ZNF837: variants seen among roughly 807,000 people sequenced by gnomAD.
ZNF837 encodes zinc finger protein 837.
For synonymous variants in ZNF837, 475 were observed against 365.2 expected (o/e 1.30, Z -3.43); for missense variants, 955 against 801.7 (o/e 1.19, Z -2.31).
intron 1 of ZNF837, among the ~76,000 whole-genome samples, chr19:58,376,554 C>CAAAAAAAAAAAAAAAAAAAAAAAAAA (rs59075587): frequency 1.5e-5 from 1 of 67,766 alleles, no homozygotes; most frequent in African/African-American, 6.4e-5. Flanking sequence ...GACTCTGTCT[C>CAAAAAAAAAAAAAAAAAAAAAAAAAA]AAAAAAAAAA....
chr19:58,368,687 C>G lies in ZNF837; in HGVS notation c.646G>C (p.Glu216Gln). The G allele has an allele frequency of 6.5e-7, 1 of 1,533,136 alleles. No homozygotes were observed. The highest frequency in any genetic ancestry group is 8.7e-7 in the Non-Finnish European group (1 of 1,144,734). 95.0% of individuals were successfully genotyped at this position (1,533,136 alleles called of 1,614,324 possible). A position where few individuals can be genotyped will look rare whatever the true frequency, so the allele number is the denominator to read the frequency against. The change falls in exon 3 of 3, where the codon GAG becomes CAG. Residue 216 changes from glutamate (E) to glutamine (Q), a missense_variant. By Grantham distance (29) the Glu-to-Gln change is conservative (BLOSUM62 2). Transcript: ENST00000597582. ...GGCTCCTCCGTCGCCTGCAGCCTCT[C>G]CTGGGGGATCCGCAGGGCCCTCCAC... is the stretch of plus-strand genomic sequence containing the variant. ...FAWRALRIPQERLQATEEPRP... is the reference protein window; with the variant it reads ...FAWRALRIPQQRLQATEEPRP...
chr19:58,368,392 A>G lies in ZNF837; in HGVS notation c.941T>C (p.Leu314Pro), dbSNP rs2052161782. 5.8e-6 allele frequency: 9 copies of G among 1,538,712 alleles called. No individual in the cohort carries two copies. The highest frequency in any genetic ancestry group is 7.9e-6 in the Non-Finnish European group (9 of 1,145,202). Residue 314 changes from leucine to proline, a missense_variant, in exon 3 of 3, where the codon CTG becomes CCG. Leu to Pro is a moderately conservative substitution (Grantham distance 98). Transcript: ENST00000597582. ...CGKAFVRCSG[L>P]YRHQKTHSAE... is the part of the protein sequence containing the mutation. ...CGAGTGCGTCTTCTGGTGGCGGTAC[A>G]GGCCGGAGCAGCGCACGAAGGCCTT... is the stretch of plus-strand genomic sequence containing the variant.
At chr19:58,376,986 G>A (rs2052253615) in intron 1 of ZNF837, among the ~76,000 whole-genome samples, 1 of 152,026 alleles carries the variant, frequency 6.6e-6, no homozygotes, top group Admixed American at 6.6e-5. Context: ...GGGAGGCCAA[G>A]GTGGGTGGAT....
chr19:58,380,901 C>A (rs1568570230), intron 1 of ZNF837, 40 bp downstream of exon 1: 1 of 152,318 alleles, frequency 6.6e-6, no homozygotes, highest in Non-Finnish European at 1.5e-5. Context: ...GTCCCCGCCT[C>A]GCAGGCCGAG....
Position 58,367,711 on chromosome 19 carries a change from A to G in ZNF837, c.*26T>C. 2.0e-6 allele frequency: 3 copies of G among 1,475,518 alleles called. No individual in the cohort carries two copies. The highest frequency in any genetic ancestry group is 2.6e-5 in the Admixed American group (1 of 39,050). The allele number at this position is 1,475,518 out of a possible 1,614,324, so 91.4% of individuals were successfully genotyped here. A position where few individuals can be genotyped will look rare whatever the true frequency, so the allele number is the denominator to read the frequency against. ...CCTCGACGCAGGGTTCGCTTGGGCGACGCGTCGACTCTCGGCTCCCTGCAG... is the reference window on the plus strand; with the variant it reads ...CCTCGACGCAGGGTTCGCTTGGGCGGCGCGTCGACTCTCGGCTCCCTGCAG... On this transcript the variant is annotated 3_prime_UTR_variant, in exon 3 of 3. Transcript: ENST00000597582.
intron 1 of ZNF837, among the ~76,000 whole-genome samples, chr19:58,380,474 G>A (rs1372056312): frequency 1.3e-5 from 2 of 152,258 alleles, no homozygotes; most frequent in Admixed American, 6.5e-5. Context: ...GCAGCGCGAG[G>A]GCGCCAGGGA....
rs1467058196 is a variant in ZNF837, at chr19:58,368,792, T to G, written c.541A>C (p.Arg181=). Residue 181 remains arginine, a synonymous_variant, in exon 3 of 3, where the codon AGG becomes CGG. Transcript: ENST00000597582. ...CCGCGGGAGGTCGGCTTTGGGGTCC[T>G]CGGGCAGGTCGGAGCGCCAGTCCCT... The part of the protein sequence containing the change: ...QPGTGAPTCP[R]TPKPTSRGRN... 1 of 1,544,524 alleles carries G rather than the reference T, an allele frequency of 6.5e-7. No homozygotes were observed. The highest frequency in any genetic ancestry group is 2.4e-5 in the East Asian group (1 of 40,858).
intron 1 of ZNF837, among the ~76,000 whole-genome samples, chr19:58,375,270 G>GTATGTATATA (rs2052233021): frequency 8.6e-5 from 3 of 34,870 alleles, no homozygotes; most frequent in African/African-American, 2.9e-4. Context: ...AAAAAAAAAA[G>GTATGTATATA]TATATATATA....
In ZNF837 at chr19:58,368,100, G is replaced by A. The variant is rs1234566854; in HGVS notation, c.1233C>T (p.Arg411=). 1.9e-6 allele frequency: 3 copies of A among 1,562,682 alleles called. No individual in the cohort carries two copies. The highest frequency in any genetic ancestry group is 2.4e-5 in the East Asian group (1 of 41,906). The change falls in exon 3 of 3, where the codon CGC becomes CGT. Residue 411 remains arginine, a synonymous_variant. Transcript: ENST00000597582. ...NQRSNLSRHQ[R]THSSAKPYAC... ...CGTAGGGCTTGGCGCTGCTGTGAGT[G>A]CGCTGGTGCCGGCTCAGGTTCGAGC...
chr19:58,368,535 C>G lies in ZNF837; in HGVS notation c.798G>C (p.Pro266=). The part of the protein sequence containing the change: ...SRPRPIVPDP[P]AQRLYACDEC... ...CGTCGCAAGCGTACAGTCGCTGGGC[C>G]GGGGGGTCGGGGACAATAGGGCGAG... is the stretch of plus-strand genomic sequence containing the variant. Residue 266 remains proline (P), a synonymous_variant, in exon 3 of 3, where the codon CCG becomes CCC. Transcript: ENST00000597582. 2.6e-6 allele frequency: 4 copies of G among 1,532,894 alleles called. No homozygotes were observed. In the South Asian group the frequency reaches 3.6e-5, roughly 14 times the overall value. 95.0% of individuals were successfully genotyped at this position (1,532,894 alleles called of 1,614,324 possible).
In ZNF837 at chr19:58,369,056, C is replaced by T. The variant is rs549349574; in HGVS notation, c.277G>A (p.Gly93Ser). Residue 93 changes from glycine (G) to serine (S), a missense_variant, in exon 3 of 3, where the codon GGC (glycine) becomes AGC (serine). Transcript: ENST00000597582. ...TCAGGGTTCTGAGAAGAGGTGGGGCCGCACGGCTCCCGCACGAGGGGTCTG... is the reference window on the plus strand; with the variant it reads ...TCAGGGTTCTGAGAAGAGGTGGGGCTGCACGGCTCCCGCACGAGGGGTCTG... ...GTRPLVREPC[G>S]PTSSQNPELV... is the part of the protein sequence containing the mutation. 4.6e-6 allele frequency: 7 copies of T among 1,517,916 alleles called. No homozygotes were observed. The African/African-American group carries it at 5.6e-5, about 12-fold the overall frequency. The allele number at this position is 1,517,916 out of a possible 1,614,324, so 94.0% of individuals were successfully genotyped here. A position where few individuals can be genotyped will look rare whatever the true frequency, so the allele number is the denominator to read the frequency against.
At chr19:58,378,171 C>A (rs1005060588) in intron 1 of ZNF837, among the ~76,000 whole-genome samples, 8 of 152,186 alleles carry the variant, frequency 5.3e-5, no homozygotes, top group Admixed American at 4.6e-4. Flanking sequence ...CAGGGAACTC[C>A]CCAGCCATAG....
intron 1 of ZNF837, among the ~76,000 whole-genome samples, chr19:58,380,430 G>C (rs2052280521): frequency 6.6e-6 from 1 of 152,240 alleles, no homozygotes. Flanking sequence ...GACCGTTTAA[G>C]AGAGAAAAAG....
intron 1 of ZNF837, among the ~76,000 whole-genome samples, chr19:58,380,019 A>G (rs1056342396): frequency 6.2e-5 from 8 of 128,536 alleles, no homozygotes; most frequent in Non-Finnish European, 1.3e-4. Context: ...CAACAACAAC[A>G]ACAAAAACAG....
intron 1 of ZNF837, among the ~76,000 whole-genome samples, chr19:58,374,085 C>T (rs555077404): frequency 1.3e-5 from 2 of 152,318 alleles, no homozygotes; most frequent in Admixed American, 1.3e-4. Flanking sequence ...CACACTCCCA[C>T]CTGGCTGGTG....
chr19:58,377,832 A>G (rs565565387), intron 1 of ZNF837, among the ~76,000 whole-genome samples: 1 of 152,288 alleles, frequency 6.6e-6, no homozygotes, highest in Non-Finnish European at 1.5e-5. Flanking sequence ...GGTCTGTCTG[A>G]CCATGGAGCT....
At chr19:58,373,371 T>A (rs574856973) in intron 1 of ZNF837, among the ~76,000 whole-genome samples, 44 of 152,296 alleles carry the variant, frequency 2.9e-4, no homozygotes, top group Admixed American at 7.2e-4. Context: ...GTAAGGAACT[T>A]CTCTGAGTAC....
chr19:58,371,561 C>G (rs2052202389), intron 1 of ZNF837, among the ~76,000 whole-genome samples: 2 of 152,196 alleles, frequency 1.3e-5, no homozygotes, highest in South Asian at 2.1e-4. Context: ...CCTTTAGACT[C>G]TGAATCCCGG....
rs11882195 is a variant in ZNF837, at chr19:58,377,412, G to A, written c.-140+3529C>T. ...GGAGAATGGTGTGAACCCGGGAGGC[G>A]GAGCTTGTAGTGAGCCGAGATCTTG... On this transcript the variant is annotated intron_variant, in intron 1 of 2. Transcript: ENST00000597582. Among the ~76,000 whole-genome samples, 126 of 151,912 alleles carry A rather than the reference G, an allele frequency of 8.3e-4. 1 individual carries two copies. The highest frequency in any genetic ancestry group is 2.7e-3 in the African/African-American group (113 of 41,424).
Sources: gnomAD v4.1 joint callset for allele counts (sites outside exome capture counted in the v4.1 genomes callset) on GRCh38, gnomAD v4.1.1 for gene constraint, MANE v1.5 for transcripts, NCBI Gene and HGNC (gene_info 2026-07-23, HGNC 2026-07-21) for gene names.